STPG4: variants seen among roughly 807,000 people sequenced by gnomAD.
STPG4 encodes the protein protein STPG4.
Under a neutral mutation model 31.5 loss-of-function variants are expected in STPG4, and 41 were observed. The ratio of observed to expected loss-of-function variants is 1.30; its 90% confidence interval spans 1.01 to 1.69. The LOEUF (loss-of-function observed/expected upper bound fraction) is 1.69. Ranked by LOEUF, STPG4 falls within the 40% of genes most tolerant of loss-of-function variation. The pLI is 0.00. For missense variants in STPG4, 375 were observed against 293.4 expected (o/e 1.28, Z -2.03); for synonymous variants, 141 against 103.0 (o/e 1.37, Z -2.24).
intron 5 of STPG4, among the ~76,000 whole-genome samples, chr2:47,104,808 G>A (rs1343399881): frequency 6.6e-6 from 1 of 151,970 alleles, no homozygotes; most frequent in Non-Finnish European, 1.5e-5. Flanking sequence ...GGTACAAGGT[G>A]TCTAGGTCGA....
At chr2:47,124,087 A>G (rs1686321574) in intron 5 of STPG4, among the ~76,000 whole-genome samples, 2 of 151,892 alleles carry the variant, frequency 1.3e-5, no homozygotes, top group Admixed American at 1.3e-4. Flanking sequence ...GGTTCTAGCA[A>G]TTCTCCTGCC....
At chr2:47,116,209 C>T (rs1030235810) in intron 5 of STPG4, among the ~76,000 whole-genome samples, 5 of 152,162 alleles carry the variant, frequency 3.3e-5, no homozygotes, top group African/African-American at 1.2e-4. Flanking sequence ...GCATTGTCAA[C>T]GTGATAGTAT....
intron 5 of STPG4, among the ~76,000 whole-genome samples, chr2:47,095,115 G>C (rs1197778420): frequency 1.3e-5 from 2 of 152,210 alleles, no homozygotes; most frequent in African/African-American, 4.8e-5. Context: ...TAAGTCCTGT[G>C]AATTTCCATT....
intron 5 of STPG4, among the ~76,000 whole-genome samples, chr2:47,122,807 TTGTTTGTC>T (rs1196307889): frequency 6.6e-5 from 10 of 151,862 alleles, no homozygotes; most frequent in Admixed American, 5.9e-4. Flanking sequence ...TGTTTTTTGT[TTGTTTGTC>T]TGTTTGTTTT....
intron 5 of STPG4, among the ~76,000 whole-genome samples, chr2:47,093,093 TC>T (rs1286584560): frequency 6.6e-6 from 1 of 152,176 alleles, no homozygotes; most frequent in Non-Finnish European, 1.5e-5. Context: ...ACCCGGCCCT[TC>T]CACAGGATTT....
Position 47,151,279 on chromosome 2 carries a change from G to A in STPG4, c.378C>T (p.Ser126=). The part of the protein sequence containing the change: ...SFKDKPRPSP[S]TLVDKDQSLQ... ...TTACCTGATCTTTGTCAACTAGTGT[G>A]CTGGGGCTTGGCCGTGGTTTGTCTT... is the stretch of plus-strand genomic sequence containing the variant. The change falls in exon 3 of 7, where the codon AGC becomes AGT. Residue 126 remains serine, a synonymous_variant. Transcript: ENST00000445927. 6.2e-7 allele frequency: 1 copy of A among 1,614,214 alleles called. No homozygotes were observed. Among genetic ancestry groups the A allele is most frequent in the South Asian group, 1.1e-5 (1 of 91,084 alleles).
intron 3 of STPG4, among the ~76,000 whole-genome samples, chr2:47,132,401 T>G (rs1686504018): frequency 6.6e-6 from 1 of 152,226 alleles, no homozygotes; most frequent in African/African-American, 2.4e-5. Context: ...CTCCCAGCAC[T>G]CGCTGGCACA....
At chr2:47,142,836 CTTTTTTTTTTTTT>C (rs10686388) in intron 3 of STPG4, among the ~76,000 whole-genome samples, 5 of 73,836 alleles carry the variant, frequency 6.8e-5, no homozygotes, top group Admixed American at 6.2e-4. Flanking sequence ...TTTATCTCAT[CTTTTTTTTTTTTT>C]TTTTTTTTTT....
Position 47,152,945 on chromosome 2 carries a change from C to A in STPG4, c.141+12G>T. ...AATAATGTGAATAGGAAAGACTGAA[C>A]AATGTACATACTGTTAATGCTATTC... On this transcript the variant is annotated intron_variant, in intron 2 of 6. Transcript: ENST00000445927. 6.3e-7 allele frequency: 1 copy of A among 1,581,708 alleles called. No individual in the cohort carries two copies. The highest frequency in any genetic ancestry group is 1.1e-5 in the South Asian group (1 of 87,456).
chr2:47,103,060 C>A (rs528497296), intron 5 of STPG4, among the ~76,000 whole-genome samples: 1 of 151,796 alleles, frequency 6.6e-6, no homozygotes. Flanking sequence ...GAATGACAGC[C>A]GACGAAAGGG....
chr2:47,138,683 G>A (rs1686646813), intron 3 of STPG4, among the ~76,000 whole-genome samples: 1 of 152,154 alleles, frequency 6.6e-6, no homozygotes, highest in African/African-American at 2.4e-5. Context: ...CCAAGTAGCT[G>A]GGATTACAGG....
At chr2:47,135,535 C>T (rs944846020) in intron 3 of STPG4, among the ~76,000 whole-genome samples, 7 of 152,010 alleles carry the variant, frequency 4.6e-5, no homozygotes, top group African/African-American at 9.7e-5. Flanking sequence ...TACAGGCACC[C>T]GCCACCACGT....
chr2:47,139,117 A>T (rs996859537), intron 3 of STPG4, among the ~76,000 whole-genome samples: 1 of 152,212 alleles, frequency 6.6e-6, no homozygotes, highest in Non-Finnish European at 1.5e-5. Context: ...TGTTGATTAA[A>T]TGGTGCTGTT....
chr2:47,152,284 C>T (rs1686954028), intron 2 of STPG4, among the ~76,000 whole-genome samples: 1 of 152,202 alleles, frequency 6.6e-6, no homozygotes, highest in African/African-American at 2.4e-5. Context: ...AGCATATGGC[C>T]TAGTTAGTCC....
intron 5 of STPG4, among the ~76,000 whole-genome samples, chr2:47,121,807 C>T (rs771089832): frequency 3.3e-5 from 5 of 151,130 alleles, no homozygotes; most frequent in Non-Finnish European, 7.4e-5. Context: ...GTGGCTGCAC[C>T]ACTGTAATCT....
At chr2:47,146,894 T>C (rs1039200130) in intron 3 of STPG4, among the ~76,000 whole-genome samples, 10 of 151,734 alleles carry the variant, frequency 6.6e-5, no homozygotes, top group African/African-American at 2.4e-4. Flanking sequence ...CTCAGCACTT[T>C]GGGGGGATGA....
At chr2:47,141,609 T>G (rs1573194359) in intron 3 of STPG4, among the ~76,000 whole-genome samples, 1 of 151,526 alleles carries the variant, frequency 6.6e-6, no homozygotes, top group Non-Finnish European at 1.5e-5. Flanking sequence ...CCACTTTGAG[T>G]GCTACTTTTT....
intron 3 of STPG4, among the ~76,000 whole-genome samples, chr2:47,135,263 G>C (rs554172709): frequency 6.6e-6 from 1 of 152,000 alleles, no homozygotes; most frequent in African/African-American, 2.4e-5. Context: ...ACTCAAAGTC[G>C]TCTAGATTTT....
chr2:47,109,354 C>T (rs145632105), intron 5 of STPG4, among the ~76,000 whole-genome samples: 8,603 of 152,138 alleles, frequency 0.057, 357 homozygotes, highest in African/African-American at 0.11. Flanking sequence ...CTCAGGAGTT[C>T]AAGACCAGCC....
Sources: allele counts gnomAD v4.1 joint callset (sites outside exome capture counted in the v4.1 genomes callset), GRCh38; gene constraint gnomAD v4.1.1; transcripts MANE v1.5; gene names NCBI Gene and HGNC (gene_info 2026-07-23, HGNC 2026-07-21).